STXBP5L: variants seen among roughly 807,000 people sequenced by gnomAD.
STXBP5L encodes syntaxin-binding protein 5-like.
STXBP5L carries 65 observed loss-of-function variants against 144.5 expected under a neutral mutation model. That is an observed-to-expected ratio of 0.45 (90% CI 0.37 to 0.55). The LOEUF (loss-of-function observed/expected upper bound fraction) is 0.55, where lower values mean the gene tolerates loss of function less well. Among genes scored for constraint, STXBP5L ranks in the 20% least tolerant of loss-of-function variants. The pLI, the probability that STXBP5L is intolerant of heterozygous loss-of-function variation, is 0.00. For missense variants in STXBP5L, 1,298 were observed against 1,405.5 expected (o/e 0.92, Z 1.22); for synonymous variants, 505 against 469.6 (o/e 1.08, Z -0.97).
intron 3 of STXBP5L, among the ~76,000 whole-genome samples, chr3:120,994,453 G>A (rs1170874573): frequency 3.3e-5 from 5 of 151,918 alleles, no homozygotes; most frequent in East Asian, 3.9e-4. Flanking sequence ...TCATGTTAAG[G>A]TATGTTTCTT....
At chr3:120,953,959 T>C (rs1435734645) in intron 2 of STXBP5L, among the ~76,000 whole-genome samples, 1 of 152,164 alleles carries the variant, frequency 6.6e-6, no homozygotes, top group Non-Finnish European at 1.5e-5. Context: ...ATGCCATTTA[T>C]TAGATGTATA....
At chr3:121,347,310 A>G (rs2045037249) in intron 20 of STXBP5L, among the ~76,000 whole-genome samples, 2 of 152,092 alleles carry the variant, frequency 1.3e-5, no homozygotes, top group Admixed American at 6.6e-5. Flanking sequence ...CCATTGATCT[A>G]TATCTCTGTT....
At chr3:121,071,412 G>C (rs192252645) in intron 5 of STXBP5L, among the ~76,000 whole-genome samples, 2 of 152,294 alleles carry the variant, frequency 1.3e-5, no homozygotes, top group African/African-American at 4.8e-5. Flanking sequence ...TGCATGGACC[G>C]ACCAGCCTCT....
At chr3:121,021,994 A>C (rs1382849309) in intron 3 of STXBP5L, among the ~76,000 whole-genome samples, 3 of 152,140 alleles carry the variant, frequency 2.0e-5, no homozygotes, top group African/African-American at 7.2e-5. Context: ...TACTTTGAAA[A>C]GATAAATAAA....
At chr3:121,146,121 T>G (rs2107961514) in intron 7 of STXBP5L, among the ~76,000 whole-genome samples, 1 of 152,150 alleles carries the variant, frequency 6.6e-6, no homozygotes, top group African/African-American at 2.4e-5. Flanking sequence ...GTTTTCCTAC[T>G]TAGTCAGCTT....
At chr3:121,359,720 A>G (rs2045646005) in intron 20 of STXBP5L, among the ~76,000 whole-genome samples, 1 of 151,798 alleles carries the variant, frequency 6.6e-6, no homozygotes, top group Non-Finnish European at 1.5e-5. Flanking sequence ...TCTGCAGCAT[A>G]TGTTCTTGGC....
intron 4 of STXBP5L, 73 bp downstream of exon 4, chr3:121,041,854 T>A: frequency 1.0e-6 from 1 of 982,794 alleles, no homozygotes; most frequent in African/African-American, 1.6e-5. Context: ...TGTAATCTTT[T>A]AAATACTGTG....
chr3:120,977,221 G>T (rs1287242094), intron 3 of STXBP5L, among the ~76,000 whole-genome samples: 5 of 152,152 alleles, frequency 3.3e-5, no homozygotes, highest in Admixed American at 1.3e-4. Flanking sequence ...TCATGAATCT[G>T]GGTGCTCCTG....
At chr3:121,112,514 C>T (rs1319990516) in intron 5 of STXBP5L, among the ~76,000 whole-genome samples, 1 of 151,420 alleles carries the variant, frequency 6.6e-6, no homozygotes, top group East Asian at 2.0e-4. Context: ...CCTCAGTTGC[C>T]GGTGCGGGAT....
At chr3:120,932,948 C>CA (rs1309520008) in intron 2 of STXBP5L, among the ~76,000 whole-genome samples, 8 of 148,538 alleles carry the variant, frequency 5.4e-5, no homozygotes, top group Admixed American at 1.4e-4. Flanking sequence ...ATCGCAAGGA[C>CA]AAAAAACCAA....
At chr3:121,117,379 A>G (rs1338205814) in intron 6 of STXBP5L, among the ~76,000 whole-genome samples, 1 of 151,808 alleles carries the variant, frequency 6.6e-6, no homozygotes, top group East Asian at 1.9e-4. Flanking sequence ...CTCTTGATTC[A>G]TTTAGACCGG....
chr3:121,326,764 T>A (rs554008566), intron 20 of STXBP5L, among the ~76,000 whole-genome samples: 48 of 152,160 alleles, frequency 3.2e-4, no homozygotes, highest in African/African-American at 1.1e-3. Context: ...CAATAATATA[T>A]GGTAGTGATT....
intron 3 of STXBP5L, among the ~76,000 whole-genome samples, chr3:120,957,928 A>G (rs576600281): frequency 5.3e-5 from 8 of 152,200 alleles, no homozygotes; most frequent in Non-Finnish European, 1.2e-4. Context: ...TGAAGGACAT[A>G]GAGACACAAA....
intron 5 of STXBP5L, 114 bp downstream of exon 5, chr3:121,045,649 T>G: frequency 1.1e-6 from 1 of 909,390 alleles, no homozygotes; most frequent in South Asian, 1.7e-5. Flanking sequence ...TAGAAATAAT[T>G]TAATGTTTAT....
chr3:121,081,714 G>C (rs1053707038), intron 5 of STXBP5L, among the ~76,000 whole-genome samples: 1 of 152,174 alleles, frequency 6.6e-6, no homozygotes, highest in Non-Finnish European at 1.5e-5. Flanking sequence ...CTAGGCACTG[G>C]TTGTAGCTAA....
Position 121,089,981 on chromosome 3 carries a change from T to A in STXBP5L, c.471-24944T>A, listed in dbSNP as rs185561662. On this transcript the variant is annotated intron_variant, in intron 5 of 26. Coordinates refer to ENST00000471454, the MANE Select transcript of STXBP5L (RefSeq NM_001308330.2). ...TATATTTTTATTTGTTTCATATGTG[T>A]CTGTACTTGTTGAAACCTTTTCATG... Among the ~76,000 whole-genome samples, 240 of 152,274 alleles carry A rather than the reference T, an allele frequency of 1.6e-3. 1 individual carries two copies. Among genetic ancestry groups the A allele is most frequent in the African/African-American group, 5.2e-3 (218 of 41,578 alleles).
chr3:121,263,325 A>G (rs1044569499), intron 18 of STXBP5L, among the ~76,000 whole-genome samples: 3 of 152,224 alleles, frequency 2.0e-5, no homozygotes, highest in Non-Finnish European at 4.4e-5. Flanking sequence ...GGTCACCAAC[A>G]TCAAAGACCA....
rs576472201 is a variant in STXBP5L, at chr3:121,208,257, C to T, written c.956+2256C>T. On this transcript the variant is annotated intron_variant, in intron 10 of 26. Transcript: ENST00000471454. Reference sequence around the variant, plus strand: ...GGCAGAAAACCAAACACCACATGTTCTCACTCATAGGTGGGAACTGAACAA... The same window carrying T: ...GGCAGAAAACCAAACACCACATGTTTTCACTCATAGGTGGGAACTGAACAA... Among the ~76,000 whole-genome samples, 1,364 of 148,800 alleles carry T rather than the reference C, an allele frequency of 9.2e-3. 9 individuals are homozygous for T. The highest frequency in any genetic ancestry group is 0.014 in the Non-Finnish European group (957 of 67,740).
chr3:121,018,128 A>G lies in STXBP5L; in HGVS notation c.288-23572A>G, dbSNP rs563603842. On this transcript the variant is annotated intron_variant, in intron 3 of 26. Coordinates refer to ENST00000471454, the MANE Select transcript of STXBP5L (RefSeq NM_001308330.2). ...GAAGAGATATTCCAGGTACATGGATAGCAATATTCAATATTGTCAAGATTG... is the reference window on the plus strand; with the variant it reads ...GAAGAGATATTCCAGGTACATGGATGGCAATATTCAATATTGTCAAGATTG... Among the ~76,000 whole-genome samples the G allele has an allele frequency of 9.7e-4, 147 of 152,328 alleles. 1 individual carries two copies. The highest frequency in any genetic ancestry group is 3.2e-3 in the African/African-American group (131 of 41,570).
Sources: allele counts gnomAD v4.1 joint callset (sites outside exome capture counted in the v4.1 genomes callset), GRCh38; gene constraint gnomAD v4.1.1; transcripts MANE v1.5; gene names NCBI Gene and HGNC (gene_info 2026-07-23, HGNC 2026-07-21).